The following CHODL variants were observed in gnomAD, a reference collection of about 807,000 sequenced individuals.
CHODL encodes chondrolectin, also known as transmembrane protein MT75.
Under a neutral mutation model 34.5 loss-of-function variants are expected in CHODL, and 29 were observed. That is an observed-to-expected ratio of 0.84 (90% CI 0.63 to 1.15). The LOEUF is 1.15. Ranked by LOEUF, CHODL falls within the 50% of genes most tolerant of loss-of-function variation. The probability of loss-of-function intolerance (pLI) is 0.00; values close to 1 mark genes in which losing one functional copy is unlikely to be tolerated. For synonymous variants in CHODL, 125 were observed against 116.1 expected, an observed-to-expected ratio of 1.08 and a Z score of -0.49; for missense variants, 332 against 332.5, an observed-to-expected ratio of 1.00 and a Z score of 0.01.
chr21:18,028,216 T>G (rs1395156915), intron 2 of CHODL, among the ~76,000 whole-genome samples: 1 of 78,672 alleles, frequency 1.3e-5, no homozygotes, highest in Non-Finnish European at 2.8e-5. Context: ...CTTCCTCCCC[T>G]CCCCTCCCCT....
At chr21:17,982,696 CTTTTTTTTTTTTTTTTT>C (rs397867753) in intron 1 of CHODL, among the ~76,000 whole-genome samples, 1 of 62,980 alleles carries the variant, frequency 1.6e-5, no homozygotes, top group Non-Finnish European at 2.7e-5. Flanking sequence ...TATATATATT[CTTTTTTTTTTTTTTTTT>C]TTTTTTTTGA....
intron 2 of CHODL, among the ~76,000 whole-genome samples, chr21:18,093,543 C>G (rs1434942635): frequency 1.3e-5 from 2 of 151,930 alleles, no homozygotes; most frequent in Admixed American, 6.6e-5. Flanking sequence ...AATAAGTAGA[C>G]AGTACAATGA....
chr21:18,084,407 A>G lies in CHODL; in HGVS notation c.-45+56436A>G, dbSNP rs369742119. Among the ~76,000 whole-genome samples the G allele has an allele frequency of 8.5e-5, 13 of 152,326 alleles. No individual in the cohort carries two copies. The East Asian group carries it at 2.3e-3, about 27-fold the overall frequency. The stretch of plus-strand genomic sequence containing the variant: ...TTTTTTGACGTAGGTATTTAATGCT[A>G]AAAACGTCCCTTTTAGCACTGCTTT... On this transcript the variant is annotated intron_variant, in intron 2 of 6. Coordinates refer to the CHODL transcript ENST00000400127.
At chr21:17,989,148 C>A (rs1391421686) in intron 1 of CHODL, among the ~76,000 whole-genome samples, 3 of 152,126 alleles carry the variant, frequency 2.0e-5, no homozygotes, top group Non-Finnish European at 2.9e-5. Context: ...TATAAATATT[C>A]TTTTGCTGGA....
intron 1 of CHODL, among the ~76,000 whole-genome samples, chr21:17,964,237 G>GT (rs1172708741): frequency 6.6e-6 from 1 of 152,234 alleles, no homozygotes; most frequent in African/African-American, 2.4e-5. Flanking sequence ...TATTTTACAT[G>GT]TGAATGACCC....
At chr21:17,932,195 A>G (rs892836755) in intron 1 of CHODL, among the ~76,000 whole-genome samples, 3 of 152,158 alleles carry the variant, frequency 2.0e-5, no homozygotes, top group Non-Finnish European at 4.4e-5. Context: ...CAACAAAGAT[A>G]TGAAAAAAAG....
intron 2 of CHODL, among the ~76,000 whole-genome samples, chr21:18,112,568 CAT>C (rs1236703685): frequency 6.6e-6 from 1 of 152,146 alleles, no homozygotes; most frequent in African/African-American, 2.4e-5. Context: ...AAAACAGACA[CAT>C]AGACCAATGG....
In CHODL at chr21:17,963,073, A is replaced by AAAT. The variant is rs10617165; in HGVS notation, c.-145+45694_-145+45696dup. ...AGCGAGACTATGTCTCAAAAAAAAAAAATAATAATAATAATAATAATAACT... is the reference window on the plus strand; with the variant it reads ...AGCGAGACTATGTCTCAAAAAAAAAAAATAATAATAATAATAATAATAATAACT... On this transcript the variant is annotated intron_variant, in intron 1 of 6. Transcript: ENST00000400127. 2.5e-4 allele frequency among the ~76,000 whole-genome samples: 22 copies of AAAT among 87,624 alleles called. No individual in the cohort carries two copies. The East Asian group carries it at 8.0e-3, about 32-fold the overall frequency. The allele number at this position is 87,624 out of a possible 152,430, so 57.5% of individuals were successfully genotyped here.
At chr21:18,209,430 C>G (rs1422966557) in intron 2 of CHODL, among the ~76,000 whole-genome samples, 1 of 152,146 alleles carries the variant, frequency 6.6e-6, no homozygotes, top group African/African-American at 2.4e-5. Flanking sequence ...CAGTGGGCTC[C>G]CCTCTGGCCT....
chr21:17,932,182 G>A (rs1477591943), intron 1 of CHODL, among the ~76,000 whole-genome samples: 1 of 151,886 alleles, frequency 6.6e-6, no homozygotes, highest in African/African-American at 2.4e-5. Context: ...GAATACAAGT[G>A]ACCAACAAAG....
intron 2 of CHODL, among the ~76,000 whole-genome samples, chr21:18,152,729 T>C (rs999676037): frequency 3.3e-5 from 5 of 152,178 alleles, no homozygotes; most frequent in African/African-American, 1.2e-4. Context: ...TATCCCACCA[T>C]GTTCAGATCC....
intron 2 of CHODL, among the ~76,000 whole-genome samples, chr21:18,108,880 A>G (rs1046549285): frequency 7.0e-6 from 1 of 141,880 alleles, no homozygotes; most frequent in African/African-American, 2.5e-5. Flanking sequence ...TGTTTCTTCT[A>G]ACTTTTTCTT....
intron 2 of CHODL, among the ~76,000 whole-genome samples, chr21:18,060,580 G>C (rs988411694): frequency 2.6e-5 from 4 of 151,764 alleles, no homozygotes; most frequent in African/African-American, 9.7e-5. Context: ...CCAAGGCATG[G>C]CAGCTGAATT....
At chr21:18,243,761 CT>C, upstream of CHODL, among the ~76,000 whole-genome samples, 1 of 152,184 alleles carries the variant, frequency 6.6e-6, no homozygotes, top group South Asian at 2.1e-4. Flanking sequence ...AAGATTTGTC[CT>C]TATTGTATCA....
At chr21:17,936,182 T>A (rs959590929) in intron 1 of CHODL, among the ~76,000 whole-genome samples, 1 of 152,304 alleles carries the variant, frequency 6.6e-6, no homozygotes, top group Admixed American at 6.5e-5. Flanking sequence ...GCAATTTCAG[T>A]ATCCCAGGCA....
At position 18,014,992 on chromosome 21, in the gene CHODL, C is replaced by T. The variant is rs911535878; in HGVS notation, c.-144-12880C>T. 4.9e-4 allele frequency among the ~76,000 whole-genome samples: 75 copies of T among 152,056 alleles called. 3 individuals carry two copies. The highest frequency in any genetic ancestry group is 8.8e-5 in the Non-Finnish European group (6 of 68,014). On this transcript the variant is annotated intron_variant, in intron 1 of 6. Coordinates refer to the CHODL transcript ENST00000400127. ...GTAATGGGCAGATGTTGGAAGAGTT[C>T]GGAAGGCTTAGAAGACAGGCATATG...
At chr21:18,050,750 AT>A (rs933486563) in intron 2 of CHODL, among the ~76,000 whole-genome samples, 51 of 151,944 alleles carry the variant, frequency 3.4e-4, no homozygotes, top group African/African-American at 1.2e-3. Context: ...AGGTTGGGTC[AT>A]GTTGACTTTG....
At chr21:17,933,234 CCT>C (rs2063290408) in intron 1 of CHODL, among the ~76,000 whole-genome samples, 1 of 152,146 alleles carries the variant, frequency 6.6e-6, no homozygotes. Context: ...GGTGTTCCTT[CCT>C]CTTATACTAA....
At chr21:18,231,993 G>C (rs1336350997) in intron 2 of CHODL, among the ~76,000 whole-genome samples, 3 of 152,004 alleles carry the variant, frequency 2.0e-5, no homozygotes, top group Non-Finnish European at 4.4e-5. Flanking sequence ...GAACACTCCA[G>C]GCCTGGTCTA....
Sources: gnomAD v4.1 joint callset for allele counts (sites outside exome capture counted in the v4.1 genomes callset) on GRCh38, gnomAD v4.1.1 for gene constraint, MANE v1.5 for transcripts, NCBI Gene and HGNC (gene_info 2026-07-23, HGNC 2026-07-21) for gene names.